HELZ: variants seen among roughly 807,000 people sequenced by gnomAD.
HELZ encodes helicase with zinc finger.
In HELZ, 23 loss-of-function variants were observed where a neutral mutation model predicts 218.2. The observed-to-expected ratio is 0.11, with a 90% CI of 0.08 to 0.15. HELZ has a LOEUF of 0.15. Among genes scored for constraint, HELZ ranks in the 10% least tolerant of loss-of-function variants. The pLI, the probability that HELZ is intolerant of heterozygous loss-of-function variation, is 1.00. For synonymous variants in HELZ, 814 were observed against 829.4 expected (o/e 0.98, Z 0.32); for missense variants, 1,813 against 2,353.7 (o/e 0.77, Z 4.75).
intron 31 of HELZ, among the ~76,000 whole-genome samples, chr17:67,105,273 G>A (rs2037066592): frequency 6.6e-6 from 1 of 152,198 alleles, no homozygotes; most frequent in Non-Finnish European, 1.5e-5. Context: ...AGAGAACACA[G>A]TTTGCAGTTC....
At chr17:67,166,242 A>T (rs1337458569) in intron 15 of HELZ, among the ~76,000 whole-genome samples, 1 of 152,218 alleles carries the variant, frequency 6.6e-6, no homozygotes, top group African/African-American at 2.4e-5. Context: ...ATTGCTTGGC[A>T]TCCTATCAAA....
chr17:67,234,497 G>A (rs1425018594), intron 3 of HELZ, among the ~76,000 whole-genome samples: 1 of 151,538 alleles, frequency 6.6e-6, no homozygotes, highest in African/African-American at 2.4e-5. Flanking sequence ...TAAAGGCCCT[G>A]TCTCTCAGTT....
At chr17:67,113,115 A>C (rs1041604770) in intron 28 of HELZ, among the ~76,000 whole-genome samples, 7 of 152,182 alleles carry the variant, frequency 4.6e-5, no homozygotes, top group Admixed American at 2.0e-4. Context: ...TTATCTTTTT[A>C]AAAAAATATA....
At chr17:67,178,947 CA>C (rs1390106384) in intron 12 of HELZ, 21 bp from the exon 13 acceptor site, 1 of 1,522,174 alleles carries the variant, frequency 6.6e-7, no homozygotes, top group South Asian at 1.2e-5. Context: ...ACAAAAAACA[CA>C]TTTATAAAGA....
At chr17:67,124,677 G>A (rs1375287706) in intron 24 of HELZ, among the ~76,000 whole-genome samples, 1 of 152,040 alleles carries the variant, frequency 6.6e-6, no homozygotes, top group African/African-American at 2.4e-5. Context: ...TCCAAATGAA[G>A]TAATCATGCA....
rs537837531 is a variant in HELZ at position 67,184,187 on chromosome 17, A to T, written c.1162+4132T>A. ...ACTAACATAACTAAGTTACATGAAC[A>T]TATCAGTTTGACAGACACTGAGAGC... On this transcript the variant is annotated intron_variant, in intron 12 of 32. Transcript: ENST00000358691. 3.3e-5 allele frequency among the ~76,000 whole-genome samples: 5 copies of T among 152,338 alleles called. No individual in the cohort carries two copies. The South Asian group carries it at 8.3e-4, about 25-fold the overall frequency.
At chr17:67,183,987 A>G (rs2039682054) in intron 12 of HELZ, among the ~76,000 whole-genome samples, 1 of 151,840 alleles carries the variant, frequency 6.6e-6, no homozygotes, top group Non-Finnish European at 1.5e-5. Context: ...TGGATGCTTT[A>G]GGTACAGTGA....
intron 26 of HELZ, among the ~76,000 whole-genome samples, chr17:67,120,831 A>T (rs1343728961): frequency 6.6e-6 from 1 of 152,254 alleles, no homozygotes; most frequent in Non-Finnish European, 1.5e-5. Flanking sequence ...TTAGTATGTA[A>T]TGGAAAATAG....
At chr17:67,239,094 T>C (rs2041258453) in intron 3 of HELZ, among the ~76,000 whole-genome samples, 1 of 152,152 alleles carries the variant, frequency 6.6e-6, no homozygotes, top group African/African-American at 2.4e-5. Flanking sequence ...CACAAAGTAA[T>C]CGCCACTCAA....
intron 27 of HELZ, among the ~76,000 whole-genome samples, chr17:67,117,789 A>G (rs2037474039): frequency 6.6e-6 from 1 of 152,094 alleles, no homozygotes; most frequent in Non-Finnish European, 1.5e-5. Flanking sequence ...GACCTCAGGT[A>G]ATCTGCCCAC....
chr17:67,105,056 C>G (rs1228743598), intron 31 of HELZ, among the ~76,000 whole-genome samples: 1 of 152,192 alleles, frequency 6.6e-6, no homozygotes, highest in African/African-American at 2.4e-5. Context: ...TTGCTTGAAC[C>G]TAGAAGGCAG....
intron 5 of HELZ, among the ~76,000 whole-genome samples, chr17:67,209,423 C>T (rs933988604): frequency 6.6e-6 from 1 of 151,932 alleles, no homozygotes; most frequent in African/African-American, 2.4e-5. Context: ...CATGGTGAAA[C>T]CCCGTCACTA....
chr17:67,148,733 C>A lies in HELZ; in HGVS notation c.2476-19G>T. 6.3e-7 allele frequency: 1 copy of A among 1,590,724 alleles called. No homozygotes were observed. The highest frequency in any genetic ancestry group is 1.4e-5 in the African/African-American group (1 of 73,912). On this transcript the variant is annotated intron_variant, in intron 19 of 32. Transcript: ENST00000358691. Reference sequence around the variant, plus strand: ...GACTGAGCTGTAACAGACAAACATACAGAGAAAGTTTAACTGAACATACAA... The same window carrying A: ...GACTGAGCTGTAACAGACAAACATAAAGAGAAAGTTTAACTGAACATACAA...
At chr17:67,143,631 A>AC in intron 21 of HELZ, among the ~76,000 whole-genome samples, 1 of 152,102 alleles carries the variant, frequency 6.6e-6, no homozygotes, top group South Asian at 2.1e-4. Flanking sequence ...AAAAAAAAAA[A>AC]ACATATCTTT....
At chr17:67,151,270 A>C (rs1333113929) in intron 17 of HELZ, 46 bp from the exon 18 acceptor site, 2 of 1,448,834 alleles carry the variant, frequency 1.4e-6, no homozygotes, top group Non-Finnish European at 9.6e-7. Flanking sequence ...CTAATTTCTT[A>C]ACAGTATCTA....
chr17:67,170,264 C>A (rs906411371), intron 13 of HELZ, among the ~76,000 whole-genome samples: 2 of 152,214 alleles, frequency 1.3e-5, no homozygotes, highest in African/African-American at 4.8e-5. Context: ...CACCAAGTCT[C>A]CGCCTGGGCC....
intron 20 of HELZ, 100 bp downstream of exon 20, chr17:67,148,469 G>A: frequency 2.1e-6 from 2 of 941,152 alleles, no homozygotes; most frequent in Middle Eastern, 2.5e-4. Context: ...CTATGTAAGT[G>A]TGTTGGGAAT....
At chr17:67,084,942 C>T (rs2036318951) in intron 32 of HELZ, among the ~76,000 whole-genome samples, 2 of 152,014 alleles carry the variant, frequency 1.3e-5, no homozygotes, top group African/African-American at 4.8e-5. Context: ...CCCGCCTCTA[C>T]TAAAAATACA....
At chr17:67,114,728 T>G (rs1011366560) in intron 27 of HELZ, among the ~76,000 whole-genome samples, 1 of 152,256 alleles carries the variant, frequency 6.6e-6, no homozygotes, top group Admixed American at 6.5e-5. Context: ...TTAAAGGCCT[T>G]CGCCTTCTTG....
Sources: allele counts gnomAD v4.1 joint callset (sites outside exome capture counted in the v4.1 genomes callset), GRCh38; gene constraint gnomAD v4.1.1; transcripts MANE v1.5; gene names NCBI Gene and HGNC (gene_info 2026-07-23, HGNC 2026-07-21).